MAST1: variants seen among roughly 807,000 people sequenced by gnomAD.
The protein encoded by MAST1 is microtubule associated serine/threonine kinase 1, also known as microtubule-associated serine/threonine-protein kinase 1.
A neutral mutation model predicts 124.6 loss-of-function variants in MAST1; 40 were observed. That is an observed-to-expected ratio of 0.32 (90% confidence interval 0.25 to 0.42). MAST1 has a LOEUF of 0.42. MAST1 is among the 10% of genes least tolerant of loss of function. MAST1 has a pLI of 1.00. For synonymous variants in MAST1, 938 were observed against 939.4 expected (o/e 1.00, Z 0.03); for missense variants, 1,558 against 2,181.9 (o/e 0.71, Z 5.70).
Position 12,841,310 on chromosome 19 carries a change from G to A in MAST1, c.248+244G>A, listed in dbSNP as rs955529730. On this transcript the variant is annotated intron_variant, in intron 3 of 25. Coordinates refer to ENST00000251472, the MANE Select transcript of MAST1 (RefSeq NM_014975.3). The surrounding 1 kb of genome is among the most constrained non-coding windows in gnomAD (Gnocchi z 4.3). ...GCTCCCTTTGCGGCAGGTCGAAAGC[G>A]CGTGCGCCCTGGGCGCGGGGTCTTA... is the stretch of plus-strand genomic sequence containing the variant. Among the ~76,000 whole-genome samples, 2 of 152,268 alleles carry A rather than the reference G, an allele frequency of 1.3e-5. No homozygotes were observed. Among genetic ancestry groups the A allele is most frequent in the African/African-American group, 4.8e-5 (2 of 41,482 alleles).
At position 12,843,614 on chromosome 19, in the gene MAST1, G is replaced by A. The variant is rs1231397290; in HGVS notation, c.327+7G>A. On this transcript the variant is annotated splice_region_variant and intron_variant, in intron 4 of 25. Coordinates refer to ENST00000251472, the MANE Select transcript of MAST1 (RefSeq NM_014975.3). The surrounding 1 kb of genome is among the most constrained non-coding windows in gnomAD (Gnocchi z 4.9). ...GCCCAGTTCCACCGTCTCGGTGAGT[G>A]TGGAAAGTAGGTGGGTGGGCCGGTG... is the stretch of plus-strand genomic sequence containing the variant. 1 of 1,612,450 alleles carries A rather than the reference G, an allele frequency of 6.2e-7. No homozygotes were observed. Among genetic ancestry groups the A allele is most frequent in the Non-Finnish European group, 8.5e-7 (1 of 1,179,344 alleles).
At chr19:12,844,807 C>T (rs959263285) in intron 4 of MAST1, among the ~76,000 whole-genome samples, 1 of 152,112 alleles carries the variant, frequency 6.6e-6, no homozygotes. Flanking sequence ...GCCAGGGCAG[C>T]AAGGGAGATT....
At chr19:12,839,045 G>A (rs1969795187) in intron 1 of MAST1, among the ~76,000 whole-genome samples, 1 of 151,958 alleles carries the variant, frequency 6.6e-6, no homozygotes, top group Admixed American at 6.6e-5. Context: ...GCGCTAATAT[G>A]CTCAGTCACT....
intron 1 of MAST1, among the ~76,000 whole-genome samples, chr19:12,839,472 ATCTCACATACTATG>A: frequency 6.6e-6 from 1 of 152,224 alleles, no homozygotes; most frequent in Non-Finnish European, 1.5e-5. Context: ...ATATCTAGGT[ATCTCACATACTATG>A]TCACACTGAC....
In MAST1 at chr19:12,874,444, G is replaced by T; in HGVS notation, c.4287G>T (p.Ala1429=). 1 of 1,597,048 alleles carries T rather than the reference G, an allele frequency of 6.3e-7. No individual in the cohort carries two copies. Reference sequence around the variant, plus strand: ...GCCGGCGCAGCAGCTCTGGCGAGGCGGGCACACCCCTGGTACCCATTGTCG... The same window carrying T: ...GCCGGCGCAGCAGCTCTGGCGAGGCTGGCACACCCCTGGTACCCATTGTCG... ...ETGRRSSSGE[A]GTPLVPIVVE... Residue 1429 remains alanine, a synonymous_variant, in exon 26 of 26, where the codon GCG becomes GCT. Coordinates refer to ENST00000251472, the MANE Select transcript of MAST1 (RefSeq NM_014975.3). This position sits in a 1 kb window ranked among gnomAD's most constrained non-coding sequence, Gnocchi z 6.6.
At chr19:12,846,995 G>A (rs1220382567) in intron 4 of MAST1, among the ~76,000 whole-genome samples, 2 of 152,104 alleles carry the variant, frequency 1.3e-5, no homozygotes, top group Non-Finnish European at 2.9e-5. Flanking sequence ...TATAACTGGG[G>A]AAGGACTTGG....
intron 10 of MAST1, among the ~76,000 whole-genome samples, chr19:12,855,182 C>T (rs568133375): frequency 6.6e-5 from 10 of 151,640 alleles, no homozygotes; most frequent in South Asian, 2.1e-4. Context: ...TGCAGTGAGC[C>T]GATATCAAAC....
chr19:12,851,509 C>A (rs958816174), intron 7 of MAST1, among the ~76,000 whole-genome samples: 6 of 151,634 alleles, frequency 4.0e-5, no homozygotes, highest in African/African-American at 1.2e-4. Context: ...TGTTTTGAGA[C>A]AGAGTCTCGC....
At chr19:12,852,967 T>A (rs990886774) in intron 10 of MAST1, among the ~76,000 whole-genome samples, 3 of 151,872 alleles carry the variant, frequency 2.0e-5, no homozygotes, top group African/African-American at 7.2e-5. Context: ...TTATTTTTAT[T>A]TATTTATTTA....
chr19:12,857,774 T>C (rs895656565), intron 10 of MAST1, among the ~76,000 whole-genome samples: 1 of 152,124 alleles, frequency 6.6e-6, no homozygotes, highest in Non-Finnish European at 1.5e-5. Context: ...ATGCCTGTAG[T>C]CCCTACTCTT....
rs1402371042 is a variant in MAST1, at chr19:12,866,021, C to T, written c.1948C>T (p.Leu650=). 1 of 1,614,158 alleles carries T rather than the reference C, an allele frequency of 6.2e-7. No homozygotes were observed. The highest frequency in any genetic ancestry group is 8.5e-7 in the Non-Finnish European group (1 of 1,180,026). ...GAAGCAGCACAGTTTCTTTCGAGAC[C>T]TGGACTGGACAGGGCTGCTGAGGCA... ...EVKQHSFFRD[L]DWTGLLRQKA... Residue 650 remains leucine (L), a synonymous_variant, in exon 17 of 26, where the codon CTG becomes TTG. Coordinates refer to ENST00000251472, the MANE Select transcript of MAST1 (RefSeq NM_014975.3). The surrounding 1 kb of genome is among the most constrained non-coding windows in gnomAD (Gnocchi z 5.2).
chr19:12,868,896 A>T (rs1432649106), intron 21 of MAST1, 47 bp downstream of exon 21: 1 of 1,559,764 alleles, frequency 6.4e-7, no homozygotes. Flanking sequence ...CCCCCATTTG[A>T]GGCAGGACAG....
At position 12,873,955 on chromosome 19, in the gene MAST1, G is replaced by A. The variant is rs750462903; in HGVS notation, c.3798G>A (p.Ser1266=). The change falls in exon 26 of 26, where the codon TCG becomes TCA. Residue 1266 remains serine, a synonymous_variant. Transcript: ENST00000251472. The part of the protein sequence containing the change: ...PRSPLLKRVQ[S]AEKLGASLSA... Reference sequence around the variant, plus strand: ...CGCCGCTCCTCAAGCGCGTGCAGTCGGCCGAGAAGCTGGGAGCCTCTTTGA... The same window carrying A: ...CGCCGCTCCTCAAGCGCGTGCAGTCAGCCGAGAAGCTGGGAGCCTCTTTGA... The A allele has an allele frequency of 3.1e-6, 5 of 1,596,524 alleles. No homozygotes were observed. The East Asian group carries it at 6.7e-5, about 21-fold the overall frequency.
In MAST1 at chr19:12,873,523, T is replaced by C. The variant is rs1970267225; in HGVS notation, c.3451+12T>C. 1.9e-6 allele frequency: 3 copies of C among 1,596,530 alleles called. No homozygotes were observed. The highest frequency in any genetic ancestry group is 2.7e-5 in the African/African-American group (2 of 74,802). ...CTCCGCCTACCTAGGTATTACCTCCTGCACCTGCGCGGGGACCGAGCAGCG... is the reference window on the plus strand; with the variant it reads ...CTCCGCCTACCTAGGTATTACCTCCCGCACCTGCGCGGGGACCGAGCAGCG... On this transcript the variant is annotated intron_variant, in intron 25 of 25. Transcript: ENST00000251472.
chr19:12,852,279 G>T, intron 9 of MAST1, 32 bp downstream of exon 9: 1 of 1,614,062 alleles, frequency 6.2e-7, no homozygotes, highest in South Asian at 1.1e-5. Flanking sequence ...GGGACTGGGG[G>T]TGAGCAGGCC....
At chr19:12,851,588 G>A (rs148124115) in intron 7 of MAST1, among the ~76,000 whole-genome samples, 2,433 of 152,308 alleles carry the variant, frequency 0.016, 23 homozygotes, top group Non-Finnish European at 0.024. Context: ...CCAGGTTCAA[G>A]GGATTCTCCT....
intron 10 of MAST1, among the ~76,000 whole-genome samples, chr19:12,853,316 C>T (rs1339481312): frequency 6.7e-6 from 1 of 149,636 alleles, no homozygotes; most frequent in Non-Finnish European, 1.5e-5. Context: ...GGTGCAGTGG[C>T]TTAGGCCTGT....
At chr19:12,839,691 G>GA (rs1969802934) in intron 1 of MAST1, among the ~76,000 whole-genome samples, 1 of 152,118 alleles carries the variant, frequency 6.6e-6, no homozygotes, top group South Asian at 2.1e-4. Context: ...CAGACGGAAG[G>GA]ACAGTATCGG....
intron 12 of MAST1, among the ~76,000 whole-genome samples, chr19:12,862,569 A>G (rs1970097214): frequency 6.6e-6 from 1 of 152,074 alleles, no homozygotes; most frequent in African/African-American, 2.4e-5. Context: ...ACAGTGGGAG[A>G]CCAAGGCAGG....
Sources: allele counts gnomAD v4.1 joint callset (sites outside exome capture counted in the v4.1 genomes callset), GRCh38; gene constraint gnomAD v4.1.1; non-coding constraint Gnocchi (gnomAD v3.1); transcripts MANE v1.5; gene names NCBI Gene and HGNC (gene_info 2026-07-23, HGNC 2026-07-21).